The following FHAD1 variants were observed in gnomAD, a reference collection of about 807,000 sequenced individuals.
The protein encoded by FHAD1 is forkhead associated phosphopeptide binding domain 1.
Under a neutral mutation model 191.3 loss-of-function variants are expected in FHAD1, and 146 were observed. That is an observed-to-expected ratio of 0.76 (90% CI 0.67 to 0.88). FHAD1 has a LOEUF of 0.88. FHAD1 is among the 40% of genes least tolerant of loss of function. FHAD1 has a pLI of 0.00. For missense variants in FHAD1, 1,635 were observed against 1,785.8 expected, an observed-to-expected ratio of 0.92 and a Z score of 1.52; for synonymous variants, 616 against 672.3, an observed-to-expected ratio of 0.92 and a Z score of 1.29.
At position 15,369,489 on chromosome 1, in the gene FHAD1, C is replaced by G. The variant is rs1697485632; in HGVS notation, c.3434C>G (p.Ser1145Cys). 2.6e-6 allele frequency: 4 copies of G among 1,551,730 alleles called. No individual in the cohort carries two copies. Among genetic ancestry groups the G allele is most frequent in the African/African-American group, 1.4e-5 (1 of 73,180 alleles). ...QIEPVHTEAF[S>C]SSQEQQSFSD... ...GAACCCGTCCACACTGAGGCCTTCT[C>G]CAGCAGCCAAGAGGTGAGTGCCACC... Residue 1145 changes from serine to cysteine, a missense_variant, in exon 26 of 34, where the codon TCC becomes TGC. By Grantham distance (112) the Ser-to-Cys change is moderately radical. Coordinates refer to ENST00000688493, the MANE Select transcript of FHAD1 (RefSeq NM_001391957.1).
rs1646194112 is a variant in FHAD1 at position 15,247,361 on chromosome 1, C to T, written c.-49C>T. On this transcript the variant is annotated 5_prime_UTR_variant, in exon 1 of 34. Coordinates refer to ENST00000688493, the MANE Select transcript of FHAD1 (RefSeq NM_001391957.1). ...CCTCCCGAGCTGGCAGGGCTCTCGG[C>T]GGAGGTCGGAGCGTGGGCTTCCTCC... 4.3e-6 allele frequency: 1 copy of T among 234,452 alleles called. No homozygotes were observed. Among genetic ancestry groups the T allele is most frequent in the South Asian group, 3.3e-5 (1 of 30,188 alleles). The allele number at this position is 234,452 out of a possible 1,614,324, so 14.5% of individuals were successfully genotyped here.
chr1:15,296,928 A>G (rs1353551581), intron 5 of FHAD1, 135 bp downstream of exon 5: 2 of 643,098 alleles, frequency 3.1e-6, no homozygotes, highest in Non-Finnish European at 5.4e-6. Context: ...TCCCCAAGAC[A>G]TTCAACCAAA....
intron 3 of FHAD1, among the ~76,000 whole-genome samples, chr1:15,284,614 C>T (rs1170709853): frequency 6.6e-6 from 1 of 152,162 alleles, no homozygotes; most frequent in Non-Finnish European, 1.5e-5. Context: ...TCTGGGCAAA[C>T]TCCCTTGGCG....
chr1:15,382,877 A>C (rs914291662), intron 31 of FHAD1, among the ~76,000 whole-genome samples: 1 of 152,194 alleles, frequency 6.6e-6, no homozygotes, highest in African/African-American at 2.4e-5. Flanking sequence ...CGGCTGAAGG[A>C]GCCGCAGAGG....
intron 6 of FHAD1, among the ~76,000 whole-genome samples, chr1:15,304,679 A>G (rs1302092354): frequency 6.6e-6 from 1 of 152,194 alleles, no homozygotes; most frequent in Non-Finnish European, 1.5e-5. Context: ...AAGTTTCCGA[A>G]GTGGAGACCT....
intron 33 of FHAD1, among the ~76,000 whole-genome samples, chr1:15,391,559 G>A (rs890336627): frequency 2.6e-5 from 4 of 152,168 alleles, no homozygotes; most frequent in South Asian, 4.1e-4. Context: ...TCACAAATCA[G>A]CCCTGGAACT....
intron 7 of FHAD1, among the ~76,000 whole-genome samples, chr1:15,310,421 G>A (rs570908405): frequency 1.3e-5 from 2 of 152,150 alleles, no homozygotes; most frequent in African/African-American, 4.8e-5. Flanking sequence ...ATCCCAGGGG[G>A]ATCTCGCTGG....
At chr1:15,380,146 A>G (rs945140234) in intron 28 of FHAD1, among the ~76,000 whole-genome samples, 26 of 152,334 alleles carry the variant, frequency 1.7e-4, no homozygotes, top group African/African-American at 6.0e-4. Context: ...GCCAGGTGCC[A>G]TGCTGGGCAC....
chr1:15,308,586 C>T lies in FHAD1; in HGVS notation c.916-27C>T, dbSNP rs987835871. 1.9e-6 allele frequency: 3 copies of T among 1,551,122 alleles called. No individual in the cohort carries two copies. In the African/African-American group the frequency reaches 4.1e-5, roughly 21 times the overall value. On this transcript the variant is annotated intron_variant, in intron 6 of 33. Transcript: ENST00000688493. ...GTCTCCCAGACGTGGGCCAGCCCCC[C>T]TCTGACTGTGCCACCTCCTCCCACA...
rs114434900 is a variant in FHAD1 at position 15,386,165 on chromosome 1, C to T, written c.4189-1886C>T. On this transcript the variant is annotated intron_variant, in intron 31 of 33. Transcript: ENST00000688493. ...AGCACCAATAACGGTAACAACAGGA[C>T]CTGCTTCGTGGGGTGGTTAAATGGT... 2.9e-3 allele frequency among the ~76,000 whole-genome samples: 444 copies of T among 152,318 alleles called. 1 individual carries two copies. The highest frequency in any genetic ancestry group is 0.01 in the African/African-American group (430 of 41,572).
intron 1 of FHAD1, among the ~76,000 whole-genome samples, chr1:15,249,136 G>C (rs528716431): frequency 4.6e-5 from 7 of 152,140 alleles, no homozygotes; most frequent in Non-Finnish European, 8.8e-5. Flanking sequence ...GCTAAGTAAA[G>C]AACAAGAAAA....
chr1:15,278,315 G>A (rs931398207), intron 3 of FHAD1, among the ~76,000 whole-genome samples: 2 of 152,048 alleles, frequency 1.3e-5, no homozygotes, highest in South Asian at 2.1e-4. Flanking sequence ...TTTACCCAGT[G>A]TCTGAAAGAA....
intron 22 of FHAD1, 40 bp downstream of exon 22, chr1:15,360,743 G>C (rs990559186): frequency 1.4e-5 from 21 of 1,519,246 alleles, no homozygotes; most frequent in Middle Eastern, 1.7e-4. Flanking sequence ...TAGTGTTCGG[G>C]GCAGGTTCTG....
intron 10 of FHAD1, among the ~76,000 whole-genome samples, chr1:15,323,114 C>G (rs1676930244): frequency 6.6e-6 from 1 of 152,188 alleles, no homozygotes; most frequent in Admixed American, 6.5e-5. Flanking sequence ...GGGTCCCGCC[C>G]ACAACACTTA....
At chr1:15,357,621 G>A (rs570722856) in intron 20 of FHAD1, among the ~76,000 whole-genome samples, 149 of 106,518 alleles carry the variant, frequency 1.4e-3, no homozygotes, top group African/African-American at 5.4e-3. Context: ...AGACTCCTCC[G>A]TCTCAAAAAA....
intron 22 of FHAD1, among the ~76,000 whole-genome samples, 160 bp from the exon 23 acceptor site, chr1:15,362,482 G>A (rs1230225271): frequency 6.6e-6 from 1 of 152,242 alleles, no homozygotes; most frequent in Non-Finnish European, 1.5e-5. Context: ...CACTTGGGGA[G>A]AGCCCCCAGC....
At chr1:15,337,487 C>CA (rs1184911848) in intron 14 of FHAD1, among the ~76,000 whole-genome samples, 1 of 152,168 alleles carries the variant, frequency 6.6e-6, no homozygotes, top group Admixed American at 6.5e-5. Context: ...GCCTCTCACT[C>CA]AGAGGAGGGG....
intron 16 of FHAD1, among the ~76,000 whole-genome samples, chr1:15,344,445 A>G (rs1236950701): frequency 6.6e-6 from 1 of 152,220 alleles, no homozygotes; most frequent in East Asian, 1.9e-4. Context: ...GGATTGGCCA[A>G]ATTGTCCCAT....
chr1:15,262,001 C>T (rs1651290905), intron 2 of FHAD1, among the ~76,000 whole-genome samples: 1 of 152,026 alleles, frequency 6.6e-6, no homozygotes, highest in African/African-American at 2.4e-5. Flanking sequence ...ATAGCAAGCC[C>T]CTGTGTTTTT....
Sources: gnomAD v4.1 joint callset for allele counts (sites outside exome capture counted in the v4.1 genomes callset) on GRCh38, gnomAD v4.1.1 for gene constraint, MANE v1.5 for transcripts, NCBI Gene and HGNC (gene_info 2026-07-23, HGNC 2026-07-21) for gene names.